The following PRCP variants were observed in gnomAD, a reference collection of about 807,000 sequenced individuals.
PRCP encodes prolylcarboxypeptidase, also known as lysosomal Pro-X carboxypeptidase.
In PRCP, 46 loss-of-function variants were observed where a neutral mutation model predicts 54.2. That is an observed-to-expected ratio of 0.85 (90% CI 0.67 to 1.09). The LOEUF (loss-of-function observed/expected upper bound fraction) is 1.09, where lower values mean the gene tolerates loss of function less well. Among genes scored for constraint, PRCP ranks in the 50% least tolerant of loss-of-function variants. The pLI is 0.00. For synonymous variants in PRCP, 240 were observed against 212.2 expected, an observed-to-expected ratio of 1.13 and a Z score of -1.14; for missense variants, 613 against 596.8, an observed-to-expected ratio of 1.03 and a Z score of -0.28.
At chr11:82,827,119 G>A (rs188324750) in intron 8 of PRCP, 3 of 152,176 alleles carry the variant, frequency 2.0e-5, no homozygotes, top group Admixed American at 6.5e-5. Context: ...TGCAAACTCC[G>A]TTTTGCTGGT....
intron 8 of PRCP, among the ~76,000 whole-genome samples, chr11:82,832,051 TC>T (rs1473497094): frequency 3.3e-5 from 5 of 152,208 alleles, no homozygotes; most frequent in African/African-American, 4.8e-5. Context: ...CATGAACTCA[TC>T]CTTTTTATGG....
At chr11:82,888,541 T>G (rs1381570202) in intron 1 of PRCP, among the ~76,000 whole-genome samples, 1 of 152,220 alleles carries the variant, frequency 6.6e-6, no homozygotes, top group African/African-American at 2.4e-5. Flanking sequence ...TCCTCTTGTG[T>G]TCATTCTCCA....
intron 8 of PRCP, among the ~76,000 whole-genome samples, chr11:82,832,347 A>G (rs1858407803): frequency 6.6e-6 from 1 of 152,086 alleles, no homozygotes; most frequent in Non-Finnish European, 1.5e-5. Flanking sequence ...CTATTTCCCC[A>G]CACCCTCTCC....
At chr11:82,849,279 A>G (rs1858887497) in intron 5 of PRCP, 61 bp from the exon 6 acceptor site, 1 of 1,539,722 alleles carries the variant, frequency 6.5e-7, no homozygotes, top group South Asian at 1.2e-5. Flanking sequence ...GTCTTTACAG[A>G]TCATTTATTC....
At chr11:82,881,584 C>T (rs1465202514) in intron 1 of PRCP, among the ~76,000 whole-genome samples, 1 of 152,006 alleles carries the variant, frequency 6.6e-6, no homozygotes, top group Non-Finnish European at 1.5e-5. Context: ...CTGGCCTGGG[C>T]TGAATCTAAA....
intron 1 of PRCP, among the ~76,000 whole-genome samples, chr11:82,860,886 T>G (rs1859192001): frequency 6.6e-6 from 1 of 152,140 alleles, no homozygotes; most frequent in African/African-American, 2.4e-5. Context: ...AGCTTATGCA[T>G]TTTGCTGTGC....
At chr11:82,843,012 GACTAGAGTA>G (rs1210773550) in intron 6 of PRCP, among the ~76,000 whole-genome samples, 1 of 152,142 alleles carries the variant, frequency 6.6e-6, no homozygotes, top group East Asian at 1.9e-4. Flanking sequence ...CTTATTTAAA[GACTAGAGTA>G]ACTCAATGCC....
intron 1 of PRCP, among the ~76,000 whole-genome samples, chr11:82,894,645 A>C (rs1410259006): frequency 6.6e-6 from 1 of 152,260 alleles, no homozygotes; most frequent in African/African-American, 2.4e-5. Context: ...ATGTTTTAAA[A>C]GTCTAAATTC....
intron 1 of PRCP, among the ~76,000 whole-genome samples, chr11:82,880,254 C>T (rs1859712665): frequency 6.6e-6 from 1 of 152,246 alleles, no homozygotes; most frequent in Admixed American, 6.5e-5. Context: ...ATGCCCCTCC[C>T]CCAGCCTCTT....
intron 6 of PRCP, chr11:82,846,216 T>A (rs1355084166): frequency 1.3e-5 from 2 of 152,008 alleles, no homozygotes; most frequent in South Asian, 4.1e-4. Context: ...AATGGAACTA[T>A]CCAAGTGAAA....
intron 2 of PRCP, among the ~76,000 whole-genome samples, chr11:82,856,330 C>A (rs573523250): frequency 2.6e-5 from 4 of 152,104 alleles, no homozygotes; most frequent in Non-Finnish European, 2.9e-5. Context: ...TAGAATACTA[C>A]GTAGCCATTA....
intron 1 of PRCP, among the ~76,000 whole-genome samples, chr11:82,865,297 A>G (rs1370953243): frequency 6.6e-6 from 1 of 152,276 alleles, no homozygotes; most frequent in East Asian, 1.9e-4. Flanking sequence ...ATAAACTTCA[A>G]CCCTCGGTAG....
intron 1 of PRCP, among the ~76,000 whole-genome samples, chr11:82,881,858 C>T (rs1859756100): frequency 1.3e-5 from 2 of 152,114 alleles, no homozygotes; most frequent in South Asian, 4.1e-4. Context: ...CCACAACCCA[C>T]AAATGGTCAA....
At chr11:82,847,915 A>G (rs1034662024) in intron 6 of PRCP, among the ~76,000 whole-genome samples, 1 of 152,204 alleles carries the variant, frequency 6.6e-6, no homozygotes, top group African/African-American at 2.4e-5. Flanking sequence ...GTTTTCTAAC[A>G]TAAAACATGA....
At position 82,873,408 on chromosome 11, in the gene PRCP, C is replaced by A. The variant is rs180809347; in HGVS notation, c.169-13291G>T. ...GTGGGCATTTTAAACACGAAATGCC[C>A]CACTAAATTGGCAAAAGAGTTCCAA... On this transcript the variant is annotated intron_variant, in intron 1 of 8. Coordinates refer to ENST00000313010, the MANE Select transcript of PRCP (RefSeq NM_005040.4). Among the ~76,000 whole-genome samples, 10 of 152,248 alleles carry A rather than the reference C, an allele frequency of 6.6e-5. No homozygotes were observed. In the East Asian group the frequency reaches 1.9e-3, roughly 29 times the overall value.
intron 1 of PRCP, among the ~76,000 whole-genome samples, chr11:82,888,717 T>C (rs992805792): frequency 6.6e-6 from 1 of 152,196 alleles, no homozygotes; most frequent in Admixed American, 6.5e-5. Context: ...TCTGTCTTTA[T>C]CTGACATTCT....
chr11:82,828,331 A>G (rs1285174358), intron 8 of PRCP: 1 of 151,932 alleles, frequency 6.6e-6, no homozygotes. Flanking sequence ...TAAGAAAAGC[A>G]TAAGCTTTGG....
At chr11:82,886,877 C>T (rs1468982143) in intron 1 of PRCP, among the ~76,000 whole-genome samples, 1 of 152,150 alleles carries the variant, frequency 6.6e-6, no homozygotes, top group East Asian at 1.9e-4. Context: ...TGTCCCACAC[C>T]ATCTCAACAC....
At chr11:82,882,784 C>T (rs994530171) in intron 1 of PRCP, among the ~76,000 whole-genome samples, 2 of 147,660 alleles carry the variant, frequency 1.4e-5, no homozygotes, top group Admixed American at 6.7e-5. Flanking sequence ...CGTGAGCCAC[C>T]GCGCCCGGCC....
Sources: allele counts gnomAD v4.1 joint callset (sites outside exome capture counted in the v4.1 genomes callset), GRCh38; gene constraint gnomAD v4.1.1; transcripts MANE v1.5; gene names NCBI Gene and HGNC (gene_info 2026-07-23, HGNC 2026-07-21).